The following ZNF254 variants were observed in gnomAD, a reference collection of about 807,000 sequenced individuals.
ZNF254 encodes the protein CTD-2017D11.1.
A neutral mutation model predicts 12.4 loss-of-function variants in ZNF254; 10 were observed. That is an observed-to-expected ratio of 0.80 (90% CI 0.50 to 1.36). The LOEUF (loss-of-function observed/expected upper bound fraction) is 1.36. ZNF254 is among the 40% of genes most tolerant of loss of function. ZNF254 has a pLI of 0.00. For missense variants in ZNF254, 996 were observed against 763.9 expected (o/e 1.30, Z -3.58); for synonymous variants, 305 against 253.4 (o/e 1.20, Z -1.93).
chr19:24,062,346 A>G (rs899041964), intron 2 of ZNF254, among the ~76,000 whole-genome samples: 2 of 152,212 alleles, frequency 1.3e-5, no homozygotes, highest in Admixed American at 1.3e-4. Context: ...GGATGGATGC[A>G]GTCCATACTT....
rs1972076235 is a variant in ZNF254, at chr19:24,087,221, C to G, written c.-87C>G. 6.3e-7 allele frequency: 1 copy of G among 1,582,774 alleles called. No homozygotes were observed. The highest frequency in any genetic ancestry group is 1.1e-5 in the South Asian group (1 of 90,472). On this transcript the variant is annotated 5_prime_UTR_variant, in exon 1 of 4. Transcript: ENST00000357002. ...TCTCGCTGTCGCCGGAGTCCCAGGTCTGTCTTCACTGCTCTGTGTCCTCTG... is the reference window on the plus strand; with the variant it reads ...TCTCGCTGTCGCCGGAGTCCCAGGTGTGTCTTCACTGCTCTGTGTCCTCTG...
chr19:24,092,067 T>G (rs1420098263), intron 1 of ZNF254: 1 of 152,160 alleles, frequency 6.6e-6, no homozygotes, highest in Non-Finnish European at 1.5e-5. Flanking sequence ...AGAAACAGGA[T>G]TTCACCATGT....
At chr19:24,104,694 C>A (rs1252508616) in intron 1 of ZNF254, 1 of 152,014 alleles carries the variant, frequency 6.6e-6, no homozygotes, top group African/African-American at 2.4e-5. Context: ...TTGTGATCTG[C>A]AATATTAAAA....
At chr19:24,055,371 C>T (rs549462741) in intron 2 of ZNF254, among the ~76,000 whole-genome samples, 34 of 151,866 alleles carry the variant, frequency 2.2e-4, no homozygotes, top group African/African-American at 3.4e-4. Flanking sequence ...TCTCCACCTC[C>T]GGGTTCAAGT....
At chr19:24,102,771 AGTT>A (rs1396116347) in intron 1 of ZNF254, among the ~76,000 whole-genome samples, 1 of 152,238 alleles carries the variant, frequency 6.6e-6, no homozygotes, top group African/African-American at 2.4e-5. Context: ...CAGATATAGT[AGTT>A]GATTCACAAG....
At chr19:24,082,463 G>C (rs1033333318), upstream of ZNF254, among the ~76,000 whole-genome samples, 1 of 71,998 alleles carries the variant, frequency 1.4e-5, no homozygotes, top group Non-Finnish European at 2.9e-5. Context: ...TGGCTAACAC[G>C]GTGCAACCCC....
At position 24,127,385 on chromosome 19, in the gene ZNF254, A is replaced by T. The variant is rs1974952426; in HGVS notation, c.1385A>T (p.Tyr462Phe). The T allele has an allele frequency of 6.2e-7, 1 of 1,612,390 alleles. No individual in the cohort carries two copies. Among genetic ancestry groups the T allele is most frequent in the South Asian group, 1.1e-5 (1 of 91,066 alleles). Residue 462 changes from tyrosine to phenylalanine, a missense_variant, in exon 4 of 4, where the codon TAC becomes TTC. Tyr to Phe is a conservative substitution (Grantham distance 22). Coordinates refer to ENST00000357002, the MANE Select transcript of ZNF254 (RefSeq NM_203282.4). ...HKRIHTREKP[Y>F]KCEECGKAFI... Reference sequence around the variant, plus strand: ...AGAATTCATACTAGAGAGAAACCCTACAAATGTGAAGAATGTGGCAAGGCA... The same window carrying T: ...AGAATTCATACTAGAGAGAAACCCTTCAAATGTGAAGAATGTGGCAAGGCA...
chr19:24,110,013 G>A (rs1215681721), intron 3 of ZNF254, among the ~76,000 whole-genome samples: 2 of 151,880 alleles, frequency 1.3e-5, no homozygotes, highest in Non-Finnish European at 2.9e-5. Flanking sequence ...ACAGGCATGA[G>A]CCACCGTACC....
chr19:24,084,186 A>G (rs533293083), upstream of ZNF254, among the ~76,000 whole-genome samples: 64 of 148,066 alleles, frequency 4.3e-4, no homozygotes, highest in Non-Finnish European at 7.6e-4. Context: ...TAATATATTT[A>G]TAATAATATA....
At chr19:24,117,022 C>A (rs888528404) in intron 3 of ZNF254, among the ~76,000 whole-genome samples, 1 of 152,084 alleles carries the variant, frequency 6.6e-6, no homozygotes, top group Non-Finnish European at 1.5e-5. Context: ...TTTCGTGAAC[C>A]GCGAATACTG....
At position 24,127,457 on chromosome 19, in the gene ZNF254, G is replaced by A. The variant is rs199657105; in HGVS notation, c.1457G>A (p.Gly486Glu). 6.2e-7 allele frequency: 1 copy of A among 1,613,172 alleles called. No homozygotes were observed. The change falls in exon 4 of 4, where the codon GGA becomes GAA. Residue 486 changes from glycine to glutamate, a missense_variant. Coordinates refer to ENST00000357002, the MANE Select transcript of ZNF254 (RefSeq NM_203282.4). ...TLTRHKRMHT[G>E]EKPYKCEECG... ...ACTAGACATAAGAGGATGCACACTG[G>A]AGAGAAACCCTACAAATGTGAAGAA...
At chr19:24,041,968 T>G (rs556364279) in intron 1 of ZNF254, among the ~76,000 whole-genome samples, 4 of 151,946 alleles carry the variant, frequency 2.6e-5, no homozygotes, top group African/African-American at 9.6e-5. Context: ...CAGCACCCTG[T>G]GTTTAGCTCA....
At chr19:24,115,815 A>G (rs944794069) in intron 3 of ZNF254, among the ~76,000 whole-genome samples, 17 of 152,170 alleles carry the variant, frequency 1.1e-4, no homozygotes, top group African/African-American at 4.1e-4. Flanking sequence ...ATTTGGCATG[A>G]TTTTGCAGTG....
rs1432033764 is a variant in ZNF254 at position 24,128,029 on chromosome 19, A to T, written c.*49A>T. 6.8e-7 allele frequency: 1 copy of T among 1,476,520 alleles called. No homozygotes were observed. Among genetic ancestry groups the T allele is most frequent in the Admixed American group, 2.4e-5 (1 of 42,176 alleles). The allele number at this position is 1,476,520 out of a possible 1,614,324, so 91.5% of individuals were successfully genotyped here. ...ACCCTCAATTCTTAATAGATATAAGATTATTCCTACTGGAGAGAAACTACA... is the reference window on the plus strand; with the variant it reads ...ACCCTCAATTCTTAATAGATATAAGTTTATTCCTACTGGAGAGAAACTACA... On this transcript the variant is annotated 3_prime_UTR_variant, in exon 4 of 4. Transcript: ENST00000357002.
intron 2 of ZNF254, among the ~76,000 whole-genome samples, chr19:24,073,438 C>T (rs1472283560): frequency 6.6e-6 from 1 of 152,140 alleles, no homozygotes; most frequent in Non-Finnish European, 1.5e-5. Context: ...AAGAAAGTTT[C>T]AGAGAAAATT....
At chr19:24,085,495 G>A (rs932850569), upstream of ZNF254, among the ~76,000 whole-genome samples, 2 of 146,408 alleles carry the variant, frequency 1.4e-5, no homozygotes, top group Admixed American at 7.0e-5. Flanking sequence ...CAGGCGCAGT[G>A]GGTCACGTCT....
intron 2 of ZNF254, among the ~76,000 whole-genome samples, chr19:24,062,833 T>C (rs1029439586): frequency 2.6e-5 from 4 of 152,148 alleles, no homozygotes; most frequent in African/African-American, 9.7e-5. Flanking sequence ...GGAGTTTTGC[T>C]CTTGTTACCG....
At chr19:24,046,158 TCATC>T (rs1970375097) in intron 1 of ZNF254, 3 of 151,912 alleles carry the variant, frequency 2.0e-5, no homozygotes, top group Non-Finnish European at 4.4e-5. Flanking sequence ...CCAGCATTAA[TCATC>T]TGACTTTTTA....
intron 2 of ZNF254, among the ~76,000 whole-genome samples, chr19:24,062,711 C>A (rs747319868): frequency 6.6e-6 from 1 of 152,174 alleles, no homozygotes; most frequent in Non-Finnish European, 1.5e-5. Flanking sequence ...GGAAAATTGA[C>A]TCTCATTTGT....
Sources: allele counts gnomAD v4.1 joint callset (sites outside exome capture counted in the v4.1 genomes callset), GRCh38; gene constraint gnomAD v4.1.1; transcripts MANE v1.5; gene names NCBI Gene and HGNC (gene_info 2026-07-23, HGNC 2026-07-21).